Variants in PTPRK observed in about 807,000 individuals in gnomAD.
PTPRK encodes the protein receptor-type tyrosine-protein phosphatase kappa.
PTPRK carries 75 observed loss-of-function variants against 178.0 expected under a neutral mutation model. The observed-to-expected ratio is 0.42, with a 90% confidence interval of 0.35 to 0.51. The LOEUF (loss-of-function observed/expected upper bound fraction) is 0.51, where lower values mean the gene tolerates loss of function less well. Ranked by LOEUF, PTPRK falls within the 20% of genes least tolerant of loss-of-function variation. PTPRK has a pLI of 0.02. For synonymous variants in PTPRK, 637 were observed against 620.6 expected (o/e 1.03, Z -0.39); for missense variants, 1,441 against 1,797.8 (o/e 0.80, Z 3.59).
At chr6:128,186,808 A>C (rs1802840033) in intron 6 of PTPRK, among the ~76,000 whole-genome samples, 1 of 152,134 alleles carries the variant, frequency 6.6e-6, no homozygotes, top group South Asian at 2.1e-4. Context: ...CTAAACTAAA[A>C]TGAAACTGAA....
At chr6:128,173,332 T>A (rs1024803624) in intron 7 of PTPRK, among the ~76,000 whole-genome samples, 3 of 152,032 alleles carry the variant, frequency 2.0e-5, no homozygotes, top group African/African-American at 7.2e-5. Context: ...GAGGCTTGAG[T>A]AATCAGAATA....
chr6:128,501,812 G>T (rs1464421722), intron 1 of PTPRK, among the ~76,000 whole-genome samples: 25 of 152,182 alleles, frequency 1.6e-4, no homozygotes, highest in Non-Finnish European at 1.5e-5. Flanking sequence ...AGAAAATAAT[G>T]ATAAAAGACC....
At chr6:128,502,181 A>C (rs940960951) in intron 1 of PTPRK, among the ~76,000 whole-genome samples, 3 of 152,214 alleles carry the variant, frequency 2.0e-5, no homozygotes, top group African/African-American at 7.2e-5. Context: ...AGACATTGAA[A>C]AGTTTACCTT....
intron 7 of PTPRK, among the ~76,000 whole-genome samples, chr6:128,111,603 T>A (rs1790680999): frequency 6.6e-6 from 1 of 152,148 alleles, no homozygotes; most frequent in Admixed American, 6.5e-5. Flanking sequence ...AAAATGTACC[T>A]ATAACTGGGT....
At chr6:128,132,390 C>T (rs1794387248) in intron 7 of PTPRK, among the ~76,000 whole-genome samples, 1 of 152,082 alleles carries the variant, frequency 6.6e-6, no homozygotes, top group Admixed American at 6.6e-5. Flanking sequence ...GCCAGGATGG[C>T]CTTGATCTCC....
intron 13 of PTPRK, among the ~76,000 whole-genome samples, chr6:128,030,603 C>G (rs138911327): frequency 1.5e-4 from 23 of 152,276 alleles, no homozygotes; most frequent in African/African-American, 4.8e-4. Flanking sequence ...TTAATCTTAT[C>G]AAAGCCTTTA....
intron 2 of PTPRK, among the ~76,000 whole-genome samples, chr6:128,334,110 G>C (rs180756332): frequency 3.3e-5 from 5 of 152,174 alleles, no homozygotes; most frequent in African/African-American, 1.2e-4. Flanking sequence ...TGTTCGTGGT[G>C]CATGAAAAAA....
intron 13 of PTPRK, among the ~76,000 whole-genome samples, chr6:128,040,358 T>C (rs1279241069): frequency 6.6e-6 from 1 of 152,112 alleles, no homozygotes; most frequent in East Asian, 1.9e-4. Flanking sequence ...AGAGGAAAGA[T>C]GTGCTAGGAC....
At chr6:128,145,468 T>C (rs1215179039) in intron 7 of PTPRK, among the ~76,000 whole-genome samples, 1 of 152,202 alleles carries the variant, frequency 6.6e-6, no homozygotes, top group African/African-American at 2.4e-5. Flanking sequence ...AAGACATTAA[T>C]GCTCCTTCAT....
chr6:128,459,484 C>A (rs1198972158), intron 1 of PTPRK, among the ~76,000 whole-genome samples: 1 of 152,074 alleles, frequency 6.6e-6, no homozygotes, highest in African/African-American at 2.4e-5. Flanking sequence ...AGCTTTATAC[C>A]CAAAGCTGCT....
intron 6 of PTPRK, among the ~76,000 whole-genome samples, chr6:128,192,804 G>A (rs1804047763): frequency 7.2e-6 from 1 of 138,802 alleles, no homozygotes; most frequent in African/African-American, 2.7e-5. Context: ...GCAACAGAAT[G>A]AGACCCTATA....
At chr6:128,118,898 C>T (rs556549963) in intron 7 of PTPRK, among the ~76,000 whole-genome samples, 67 of 152,288 alleles carry the variant, frequency 4.4e-4, no homozygotes, top group Non-Finnish European at 8.4e-4. Flanking sequence ...CACTGGAAGT[C>T]TAAACTGCAA....
At chr6:127,991,586 T>A (rs1776615898) in intron 19 of PTPRK, among the ~76,000 whole-genome samples, 195 bp from the exon 20 acceptor site, 1 of 147,414 alleles carries the variant, frequency 6.8e-6, no homozygotes, top group South Asian at 2.1e-4. Context: ...TACAAGTTTT[T>A]TTTTTTTTTT....
intron 1 of PTPRK, among the ~76,000 whole-genome samples, chr6:128,513,940 G>C (rs1278781327): frequency 6.6e-6 from 1 of 152,138 alleles, no homozygotes; most frequent in East Asian, 1.9e-4. Context: ...AATGACCTAA[G>C]AAAAATCACA....
At chr6:128,200,207 T>A (rs1349884125) in intron 6 of PTPRK, among the ~76,000 whole-genome samples, 3 of 152,204 alleles carry the variant, frequency 2.0e-5, no homozygotes, top group Admixed American at 1.3e-4. Flanking sequence ...TGTCTTGATA[T>A]TATTTGTACT....
chr6:128,009,126 T>G lies in PTPRK; in HGVS notation c.2333+4A>C. On this transcript the variant is annotated splice_donor_region_variant and intron_variant, in intron 14 of 29. Coordinates refer to ENST00000368226, the MANE Select transcript of PTPRK (RefSeq NM_002844.4). ...GAGTGGGACAGGACAATATTAGGCC[T>G]TACCTCTTTTTTACAATTAATATGA... The G allele has an allele frequency of 6.2e-7, 1 of 1,607,604 alleles. No individual in the cohort carries two copies. The highest frequency in any genetic ancestry group is 1.3e-5 in the African/African-American group (1 of 74,486).
intron 13 of PTPRK, among the ~76,000 whole-genome samples, chr6:128,036,930 C>T (rs1022309649): frequency 6.6e-6 from 1 of 152,088 alleles, no homozygotes; most frequent in African/African-American, 2.4e-5. Flanking sequence ...TAGGGTTTCA[C>T]CACGTTGGCC....
rs141592269 is a variant in PTPRK, at chr6:128,170,325, T to C, written c.1162+14107A>G. Among the ~76,000 whole-genome samples the C allele has an allele frequency of 5.9e-5, 9 of 152,138 alleles. No individual in the cohort carries two copies. The East Asian group carries it at 1.6e-3, about 26-fold the overall frequency. ...AATTTATACCTATCCATTATACTTA[T>C]CCATCAATAGATAAGTCTATTTCTA... On this transcript the variant is annotated intron_variant, in intron 7 of 29. Coordinates refer to ENST00000368226, the MANE Select transcript of PTPRK (RefSeq NM_002844.4).
intron 6 of PTPRK, among the ~76,000 whole-genome samples, chr6:128,203,331 G>A (rs1806310263): frequency 6.6e-6 from 1 of 152,074 alleles, no homozygotes; most frequent in South Asian, 2.1e-4. Context: ...ATGCTGATTG[G>A]GCAAAAGCTG....
Sources: allele counts gnomAD v4.1 joint callset (sites outside exome capture counted in the v4.1 genomes callset), GRCh38; gene constraint gnomAD v4.1.1; transcripts MANE v1.5; gene names NCBI Gene and HGNC (gene_info 2026-07-23, HGNC 2026-07-21).